Variants in BASP1 observed in about 807,000 individuals in gnomAD.
The protein encoded by BASP1 is brain acid soluble protein 1.
Under a neutral mutation model 2.2 loss-of-function variants are expected in BASP1, and 1 was observed. The ratio of observed to expected loss-of-function variants is 0.46; its 90% CI spans 0.16 to 2.17. BASP1 has a LOEUF of 2.17. Among genes scored for constraint, BASP1 ranks in the 30% most tolerant of loss-of-function variants. BASP1 has a pLI of 0.27. For synonymous variants in BASP1, 187 were observed against 154.2 expected (o/e 1.21, Z -1.58); for missense variants, 352 against 327.2 (o/e 1.08, Z -0.58).
chr5:17,223,843 A>C (rs568914094), intron 1 of BASP1, among the ~76,000 whole-genome samples: 2 of 152,314 alleles, frequency 1.3e-5, no homozygotes, highest in East Asian at 3.9e-4. Context: ...CATTAGTACT[A>C]AGGTTGATAA....
intron 1 of BASP1, among the ~76,000 whole-genome samples, chr5:17,226,139 A>G (rs1739498371): frequency 6.6e-6 from 1 of 152,378 alleles, no homozygotes; most frequent in African/African-American, 2.4e-5. Context: ...CACAATTAAT[A>G]GGTAACTTTT....
intron 1 of BASP1, among the ~76,000 whole-genome samples, chr5:17,267,817 C>CTTTTTTTTTTTTTTTTTTTTTTTTTTTTT (rs748938177): frequency 6.0e-5 from 2 of 33,432 alleles, no homozygotes; most frequent in Admixed American, 9.7e-4. Context: ...GCTCCCAGCC[C>CTTTTTTTTTTTTTTTTTTTTTTTTTTTTT]TTTTTTTTTT....
intron 1 of BASP1, among the ~76,000 whole-genome samples, chr5:17,231,697 C>T (rs1739636306): frequency 6.6e-6 from 1 of 152,208 alleles, no homozygotes; most frequent in Non-Finnish European, 1.5e-5. Flanking sequence ...GATGTTCCCA[C>T]ACCTCCTGGC....
chr5:17,233,648 C>T (rs1234498175), intron 1 of BASP1, among the ~76,000 whole-genome samples: 2 of 152,124 alleles, frequency 1.3e-5, no homozygotes, highest in South Asian at 2.1e-4. Flanking sequence ...GGGTTGTGTA[C>T]TTAGCTGGAA....
chr5:17,237,790 T>A (rs1739780116), intron 1 of BASP1, among the ~76,000 whole-genome samples: 1 of 152,090 alleles, frequency 6.6e-6, no homozygotes, highest in South Asian at 2.1e-4. Context: ...TTTGAATTTT[T>A]AGTAGAGACA....
intron 1 of BASP1, among the ~76,000 whole-genome samples, chr5:17,252,646 GA>G (rs1228508227): frequency 2.0e-5 from 3 of 152,226 alleles, no homozygotes; most frequent in African/African-American, 7.2e-5. Context: ...ATACATAGAA[GA>G]AGGAATTAGA....
At position 17,275,526 on chromosome 5, in the gene BASP1, C is replaced by A. The variant is rs1302139198; in HGVS notation, c.310C>A (p.Pro104Thr). 7.0e-7 allele frequency: 1 copy of A among 1,435,374 alleles called. No homozygotes were observed. The highest frequency in any genetic ancestry group is 3.1e-5 in the Admixed American group (1 of 31,776). 88.9% of individuals were successfully genotyped at this position (1,435,374 alleles called of 1,614,324 possible). The change falls in exon 2 of 2, where the codon CCC becomes ACC. Residue 104 changes from proline to threonine, a missense_variant. By Grantham distance (38) the Pro-to-Thr change is conservative. Transcript: ENST00000322611. This position sits in a 1 kb window ranked among gnomAD's most constrained non-coding sequence, Gnocchi z 5.3. ...GGCCAAGGCTGAGCCCCCGAAGGCGCCCGAGCAGGAGCAGGCGGCCCCCGG... is the reference window on the plus strand; with the variant it reads ...GGCCAAGGCTGAGCCCCCGAAGGCGACCGAGCAGGAGCAGGCGGCCCCCGG... ...AEAKAEPPKA[P>T]EQEQAAPGPA...
In BASP1 at chr5:17,236,333, G is replaced by C. The variant is rs538839537; in HGVS notation, c.-10+18523G>C. Among the ~76,000 whole-genome samples, 5 of 151,994 alleles carry C rather than the reference G, an allele frequency of 3.3e-5. No homozygotes were observed. In the South Asian group the frequency reaches 1.0e-3, roughly 31 times the overall value. ...GGCTGGAGTGTAATGGCGTGATCTCGGCTCACTGTGGCCTCTGCCTCCCGG... is the reference window on the plus strand; with the variant it reads ...GGCTGGAGTGTAATGGCGTGATCTCCGCTCACTGTGGCCTCTGCCTCCCGG... On this transcript the variant is annotated intron_variant, in intron 1 of 1. Transcript: ENST00000322611. This position sits in a 1 kb window ranked among gnomAD's most constrained non-coding sequence, Gnocchi z 4.0.
Position 17,275,394 on chromosome 5 carries a change from CAGGACGCCG to C in BASP1, c.182_190del (p.Asp61_Glu63del). 6.3e-7 allele frequency: 1 copy of C among 1,583,398 alleles called. No homozygotes were observed. Among genetic ancestry groups the C allele is most frequent in the South Asian group, 1.1e-5 (1 of 88,500 alleles). ...CAAGGAGGGCAAGGAGAAGCCCGACCAGGACGCCGAGGGCAAGGCCGAGGAGAAGGAGGG... is the reference window on the plus strand; with the variant it reads ...CAAGGAGGGCAAGGAGAAGCCCGACCAGGGCAAGGCCGAGGAGAAGGAGGG... On this transcript the variant is annotated inframe_deletion, in exon 2 of 2. Transcript: ENST00000322611. This position sits in a 1 kb window ranked among gnomAD's most constrained non-coding sequence, Gnocchi z 5.3.
rs770038775 is a variant in BASP1, at chr5:17,275,754, GCCCCCTCTTCCAAGGAGA to G, written c.544_561del (p.Ser182_Pro187del). ...CTCAAAACCCGGCAGCTCGGAGGCT[GCCCCCTCTTCCAAGGAGA>G]CCCCCGCAGCCACGGAAGCGCCTAG... On this transcript the variant is annotated inframe_deletion, in exon 2 of 2. Transcript: ENST00000322611. This position sits in a 1 kb window ranked among gnomAD's most constrained non-coding sequence, Gnocchi z 5.3. 3.1e-6 allele frequency: 5 copies of G among 1,612,182 alleles called. No homozygotes were observed. The South Asian group carries it at 5.5e-5, about 18-fold the overall frequency.
chr5:17,233,569 C>T (rs755764960), intron 1 of BASP1, among the ~76,000 whole-genome samples: 1 of 152,106 alleles, frequency 6.6e-6, no homozygotes, highest in South Asian at 2.1e-4. Flanking sequence ...GTCTCTAGTG[C>T]ACCATACTGC....
intron 1 of BASP1, among the ~76,000 whole-genome samples, chr5:17,238,293 GCTAT>G (rs1290454928): frequency 1.3e-5 from 2 of 151,566 alleles, no homozygotes; most frequent in African/African-American, 4.9e-5. Context: ...TACGTAGCTG[GCTAT>G]CTGAGTTTTT....
At chr5:17,226,409 T>C (rs1378937518) in intron 1 of BASP1, among the ~76,000 whole-genome samples, 1 of 152,230 alleles carries the variant, frequency 6.6e-6, no homozygotes, top group Non-Finnish European at 1.5e-5. Context: ...CCTTTGACAG[T>C]CTATTCAAAA....
At chr5:17,243,328 A>G (rs1739909384) in intron 1 of BASP1, among the ~76,000 whole-genome samples, 1 of 151,774 alleles carries the variant, frequency 6.6e-6, no homozygotes, top group Non-Finnish European at 1.5e-5. Context: ...TGATTTTTGT[A>G]TTTTTAGTAG....
chr5:17,221,031 C>G (rs1455673313), intron 1 of BASP1, among the ~76,000 whole-genome samples: 3 of 152,174 alleles, frequency 2.0e-5, no homozygotes, highest in Non-Finnish European at 4.4e-5. Flanking sequence ...CATACACATA[C>G]TTGTTTATAC....
At chr5:17,253,760 C>T (rs531633667) in intron 1 of BASP1, among the ~76,000 whole-genome samples, 30 of 152,106 alleles carry the variant, frequency 2.0e-4, no homozygotes, top group African/African-American at 7.2e-4. Context: ...GTGTGCATCC[C>T]GATACCTGGG....
chr5:17,262,635 C>T (rs1740336356), intron 1 of BASP1, among the ~76,000 whole-genome samples: 1 of 152,222 alleles, frequency 6.6e-6, no homozygotes, highest in Admixed American at 6.5e-5. Flanking sequence ...ACTCTACCTT[C>T]TCTATAAATC....
chr5:17,274,426 G>T (rs1195388628), intron 1 of BASP1, among the ~76,000 whole-genome samples: 1 of 152,152 alleles, frequency 6.6e-6, no homozygotes, highest in Admixed American at 6.5e-5. Context: ...AGAGTTTGTA[G>T]TTTGAGATTA....
At chr5:17,228,680 G>A (rs1005346409) in intron 1 of BASP1, among the ~76,000 whole-genome samples, 6 of 152,188 alleles carry the variant, frequency 3.9e-5, no homozygotes, top group Admixed American at 3.9e-4. Flanking sequence ...AAGGGGAGAA[G>A]GAAGTGATGG....
Sources: gnomAD v4.1 joint callset for allele counts (sites outside exome capture counted in the v4.1 genomes callset) on GRCh38, gnomAD v4.1.1 for gene constraint, Gnocchi (gnomAD v3.1) non-coding constraint, MANE v1.5 for transcripts, NCBI Gene and HGNC (gene_info 2026-07-23, HGNC 2026-07-21) for gene names.